The following PNKD variants were observed in gnomAD, a reference collection of about 807,000 sequenced individuals.
PNKD encodes the protein PNKD metallo-beta-lactamase domain containing.
A neutral mutation model predicts 45.3 loss-of-function variants in PNKD; 36 were observed. The observed-to-expected ratio is 0.80, with a 90% confidence interval of 0.61 to 1.05. The LOEUF (loss-of-function observed/expected upper bound fraction) is 1.05. Ranked by LOEUF, PNKD falls within the 50% of genes least tolerant of loss-of-function variation. The probability of loss-of-function intolerance (pLI) is 0.00; values close to 1 mark genes in which losing one functional copy is unlikely to be tolerated. For missense variants in PNKD, 511 were observed against 506.6 expected (o/e 1.01, Z -0.08); for synonymous variants, 197 against 210.1 (o/e 0.94, Z 0.54).
chr2:218,315,945 G>A (rs1256878460), intron 2 of PNKD, among the ~76,000 whole-genome samples: 9 of 152,246 alleles, frequency 5.9e-5, no homozygotes, highest in African/African-American at 2.2e-4. Context: ...GGCAGGCTGA[G>A]CTTTAGCTGA....
At chr2:218,278,610 C>A (rs925474853) in intron 2 of PNKD, 2 of 1,607,748 alleles carry the variant, frequency 1.2e-6, no homozygotes, top group Admixed American at 3.3e-5. Flanking sequence ...CAAATCTGCC[C>A]CGCTTGGCAG....
At chr2:218,314,692 G>GTTTTTTTTTTTTTTTTTTTTTTATTTTTT (rs530877937) in intron 2 of PNKD, among the ~76,000 whole-genome samples, 1 of 143,686 alleles carries the variant, frequency 7.0e-6, no homozygotes, top group Non-Finnish European at 1.5e-5. Context: ...ATTTAAGTTC[G>GTTTTTTTTTTTTTTTTTTTTTTATTTTTT]TTTTTTTTTT....
At chr2:218,305,223 A>T (rs1268348404) in intron 2 of PNKD, among the ~76,000 whole-genome samples, 1 of 152,144 alleles carries the variant, frequency 6.6e-6, no homozygotes, top group Non-Finnish European at 1.5e-5. Flanking sequence ...ACACAACAGA[A>T]CAAACATTTA....
At chr2:218,343,358 C>T (rs951614722) in intron 7 of PNKD, 142 bp from the exon 8 acceptor site, 7 of 732,848 alleles carry the variant, frequency 9.6e-6, no homozygotes, top group Non-Finnish European at 1.7e-5. Context: ...GGAATAGATG[C>T]CTGGGGTGGG....
chr2:218,273,268 GTTTT>G (rs1276807790), intron 2 of PNKD, among the ~76,000 whole-genome samples: 1 of 116,268 alleles, frequency 8.6e-6, no homozygotes, highest in Non-Finnish European at 1.6e-5. Flanking sequence ...CATTTGTTTT[GTTTT>G]TTGTTTTTTG....
chr2:218,280,547 G>A (rs1691802382), intron 2 of PNKD: 1 of 243,882 alleles, frequency 4.1e-6, no homozygotes, highest in Admixed American at 5.1e-5. Flanking sequence ...TAGAGGTGAA[G>A]ACAGGGATCT....
At chr2:218,301,879 A>G (rs1365573590) in intron 2 of PNKD, among the ~76,000 whole-genome samples, 2 of 152,170 alleles carry the variant, frequency 1.3e-5, no homozygotes, top group Non-Finnish European at 2.9e-5. Context: ...TGAGGGGCCA[A>G]CTGTGTGCCA....
chr2:218,276,188 G>A, intron 2 of PNKD: 1 of 1,186,926 alleles, frequency 8.4e-7, no homozygotes, highest in Non-Finnish European at 1.2e-6. Context: ...GAGCTGGGAA[G>A]CTAGCTCTCC....
Position 218,279,009 on chromosome 2 carries a change from T to G in PNKD, c.236+7460T>G, listed in dbSNP as rs750288970. ...ACAGAAGCTGCCACCCCTGCCTCCC[T>G]GCCCAACCACAGAGGAGCACACACT... On this transcript the variant is annotated intron_variant, in intron 2 of 9. Transcript: ENST00000273077. The G allele has an allele frequency of 1.9e-6, 3 of 1,613,742 alleles. No individual in the cohort carries two copies. The African/African-American group carries it at 4.0e-5, about 22-fold the overall frequency.
chr2:218,275,538 C>G (rs745698169), intron 2 of PNKD: 1 of 1,614,182 alleles, frequency 6.2e-7, no homozygotes, highest in Non-Finnish European at 8.5e-7. Flanking sequence ...CTGTGTAAAT[C>G]TGCAGGGCGC....
At chr2:218,318,808 A>G (rs1396385334) in intron 2 of PNKD, among the ~76,000 whole-genome samples, 1 of 152,116 alleles carries the variant, frequency 6.6e-6, no homozygotes, top group Non-Finnish European at 1.5e-5. Context: ...AAAGTGAAGG[A>G]CGTAAGCACA....
chr2:218,300,225 G>A (rs921123706), intron 2 of PNKD, among the ~76,000 whole-genome samples: 7 of 152,106 alleles, frequency 4.6e-5, no homozygotes, highest in Non-Finnish European at 7.3e-5. Context: ...AACATGCAAC[G>A]GTCCTGACTG....
intron 2 of PNKD, chr2:218,328,021 CA>C (rs879617069): frequency 6.6e-6 from 1 of 151,028 alleles, no homozygotes; most frequent in Non-Finnish European, 1.5e-5. Context: ...CTTCTCTGCT[CA>C]AACTCCTCCG....
intron 2 of PNKD, chr2:218,276,199 A>C (rs1691192428): frequency 2.9e-6 from 3 of 1,049,642 alleles, no homozygotes; most frequent in Admixed American, 2.2e-5. Context: ...CTAGCTCTCC[A>C]TGAAAGGCTA....
At chr2:218,272,618 G>C in intron 2 of PNKD, 1 of 1,614,178 alleles carries the variant, frequency 6.2e-7, no homozygotes, top group Non-Finnish European at 8.5e-7. Context: ...TCACCAAGCG[G>C]GAAGTGGACA....
chr2:218,290,885 T>C (rs1692887832), intron 2 of PNKD, among the ~76,000 whole-genome samples: 1 of 152,230 alleles, frequency 6.6e-6, no homozygotes, highest in East Asian at 1.9e-4. Context: ...GCCCATGTCA[T>C]GATCAGACAT....
rs1694743669 is a variant in PNKD at position 218,343,583 on chromosome 2, C to G, written c.865C>G (p.Pro289Ala). 2.5e-6 allele frequency: 4 copies of G among 1,610,128 alleles called. No homozygotes were observed. The highest frequency in any genetic ancestry group is 1.3e-5 in the African/African-American group (1 of 74,840). The change falls in exon 8 of 10, where the codon CCT (proline) becomes GCT (alanine). Residue 289 changes from proline to alanine, a missense_variant. Pro to Ala is a conservative substitution (Grantham distance 27). Coordinates refer to ENST00000273077, the MANE Select transcript of PNKD (RefSeq NM_015488.5). ...LGLGDDTLLW[P>A]GHEYAEENLG... The stretch of plus-strand genomic sequence containing the variant: ...GCTAGGGGATGACACCCTTCTGTGG[C>G]CTGGTGAGACACCCCCTTACTACTC...
rs3816562 is a variant in PNKD, at chr2:218,342,196, C to T, written c.781+52C>T. On this transcript the variant is annotated intron_variant, in intron 7 of 9. Coordinates refer to ENST00000273077, the MANE Select transcript of PNKD (RefSeq NM_015488.5). ...CTGGGAGAGGAGGGAGAGACAGAAG[C>T]CAGGGCAGCCACAGTCCCATGGAGA... The T allele has an allele frequency of 0.52, 792,286 of 1,522,386 alleles. 210,687 individuals are homozygous for T. Among genetic ancestry groups the T allele is most frequent in the East Asian group, 0.64 (28,238 of 44,280 alleles). 94.3% of individuals were successfully genotyped at this position (1,522,386 alleles called of 1,614,324 possible). A position where few individuals can be genotyped will look rare whatever the true frequency, so the allele number is the denominator to read the frequency against.
Position 218,341,561 on chromosome 2 carries a change from C to T in PNKD, c.552C>T (p.Leu184=), listed in dbSNP as rs928758334. Residue 184 remains leucine, a synonymous_variant, in exon 6 of 10, where the codon CTC becomes CTT. Transcript: ENST00000273077. The part of the protein sequence containing the change: ...HWDHSGGNRD[L]SRRHRDCRVY... ...ACCACAGTGGAGGGAACCGTGACCT[C>T]AGCCGGCGGCACCGGGACTGTCGGG... 1.2e-6 allele frequency: 2 copies of T among 1,602,504 alleles called. No individual in the cohort carries two copies. Among genetic ancestry groups the T allele is most frequent in the African/African-American group, 1.3e-5 (1 of 74,700 alleles).
Sources: gnomAD v4.1 joint callset for allele counts (sites outside exome capture counted in the v4.1 genomes callset) on GRCh38, gnomAD v4.1.1 for gene constraint, MANE v1.5 for transcripts, NCBI Gene and HGNC (gene_info 2026-07-23, HGNC 2026-07-21) for gene names.